Variants in ZNF236 observed in about 807,000 individuals in gnomAD.
ZNF236 encodes the protein zinc finger protein 236, also known as regulated by glucose.
Under a neutral mutation model 191.2 loss-of-function variants are expected in ZNF236, and 50 were observed. The observed-to-expected ratio is 0.26, with a 90% CI of 0.21 to 0.33. The LOEUF (loss-of-function observed/expected upper bound fraction) is 0.33. ZNF236 is among the 10% of genes least tolerant of loss of function. The pLI is 1.00. For synonymous variants in ZNF236, 907 were observed against 928.8 expected (o/e 0.98, Z 0.43); for missense variants, 1,754 against 2,374.5 (o/e 0.74, Z 5.43).
chr18:76,873,765 G>A (rs1363269337), intron 5 of ZNF236, among the ~76,000 whole-genome samples: 2 of 152,148 alleles, frequency 1.3e-5, no homozygotes, highest in Non-Finnish European at 2.9e-5. Flanking sequence ...TCGTGACTGG[G>A]CCACACTCTC....
chr18:76,910,063 C>T lies in ZNF236; in HGVS notation c.2552-5C>T. 1 of 1,605,982 alleles carries T rather than the reference C, an allele frequency of 6.2e-7. No homozygotes were observed. The highest frequency in any genetic ancestry group is 8.5e-7 in the Non-Finnish European group (1 of 1,173,746). ...GCGTCCCCCTTTTTTACATCTCATCCTCAGATGGGTTTGTGGCTCCACAGG... is the reference window on the plus strand; with the variant it reads ...GCGTCCCCCTTTTTTACATCTCATCTTCAGATGGGTTTGTGGCTCCACAGG... On this transcript the variant is annotated splice_region_variant and splice_polypyrimidine_tract_variant and intron_variant, in intron 14 of 30. Transcript: ENST00000320610.
Position 76,972,821 on chromosome 18 carries a change from G to A in ZNF236, c.*4482G>A, listed in dbSNP as rs1968927516. On this transcript the variant is annotated 3_prime_UTR_variant, in exon 31 of 31. Coordinates refer to ENST00000320610, the MANE Select transcript of ZNF236 (RefSeq NM_001306089.2). ...GATGATATTTATTTAATCCAGTTTT[G>A]TATTAGAAATGGATAGTGATGCCAA... Among the ~76,000 whole-genome samples, 1 of 152,012 alleles carries A rather than the reference G, an allele frequency of 6.6e-6. No individual in the cohort carries two copies. Among genetic ancestry groups the A allele is most frequent in the Non-Finnish European group, 1.5e-5 (1 of 68,000 alleles).
chr18:76,868,379 C>T (rs1329597147), intron 3 of ZNF236, among the ~76,000 whole-genome samples: 1 of 152,204 alleles, frequency 6.6e-6, no homozygotes, highest in Non-Finnish European at 1.5e-5. Context: ...TAGGCGGACC[C>T]AGTGCCATTA....
intron 1 of ZNF236, among the ~76,000 whole-genome samples, chr18:76,842,264 C>G (rs1203694226): frequency 6.7e-6 from 1 of 149,436 alleles, no homozygotes; most frequent in Non-Finnish European, 1.5e-5. Flanking sequence ...ACGTTATCAC[C>G]ATTCAACCTT....
Position 76,912,274 on chromosome 18 carries a change from G to C in ZNF236, c.2836G>C (p.Glu946Gln), listed in dbSNP as rs1241698360. 1.2e-6 allele frequency: 2 copies of C among 1,614,188 alleles called. No homozygotes were observed. The highest frequency in any genetic ancestry group is 4.5e-5 in the East Asian group (2 of 44,880). Residue 946 changes from glutamate to glutamine, a missense_variant, in exon 17 of 31, where the codon GAG (glutamate) becomes CAG (glutamine). Transcript: ENST00000320610. ...TCGCTTGATTCAGGAGTCATCCCAAGAGGAACTGGACCTGCAGGCACAAGG... is the reference window on the plus strand; with the variant it reads ...TCGCTTGATTCAGGAGTCATCCCAACAGGAACTGGACCTGCAGGCACAAGG... ...TTRLIQESSQ[E>Q]ELDLQAQGSQ...
rs996039309 is a variant in ZNF236 at position 76,927,958 on chromosome 18, G to A, written c.4446G>A (p.Ser1482=). Residue 1482 remains serine (S), a synonymous_variant, in exon 25 of 31, where the codon TCG becomes TCA. Coordinates refer to ENST00000320610, the MANE Select transcript of ZNF236 (RefSeq NM_001306089.2). The surrounding 1 kb of genome is among the most constrained non-coding windows in gnomAD (Gnocchi z 5.4). ...AAGACCTCACTCAAGTGATGACTTC[G>A]CAAGGTCTAGTGTCCCCCTCCGGCG... ...GTQDLTQVMT[S]QGLVSPSGGP... The A allele has an allele frequency of 3.7e-6, 6 of 1,608,750 alleles. No homozygotes were observed. The highest frequency in any genetic ancestry group is 1.3e-5 in the African/African-American group (1 of 74,608).
Position 76,880,382 on chromosome 18 carries a change from A to G in ZNF236, c.1188+66A>G, listed in dbSNP as rs1458371312. The stretch of plus-strand genomic sequence containing the variant: ...TGCTGGGTCAGAAACCAGGGATGAT[A>G]ATTGAGAATAAATCTGCAGGGCTTG... On this transcript the variant is annotated intron_variant, in intron 8 of 30. Coordinates refer to ENST00000320610, the MANE Select transcript of ZNF236 (RefSeq NM_001306089.2). This position sits in a 1 kb window ranked among gnomAD's most constrained non-coding sequence, Gnocchi z 5.0. 2.0e-6 allele frequency: 3 copies of G among 1,467,608 alleles called. No homozygotes were observed. Among genetic ancestry groups the G allele is most frequent in the Non-Finnish European group, 2.7e-6 (3 of 1,091,134 alleles). The allele number at this position is 1,467,608 out of a possible 1,614,324, so 90.9% of individuals were successfully genotyped here.
At chr18:76,920,679 G>A (rs1309937275) in intron 20 of ZNF236, among the ~76,000 whole-genome samples, 18 of 152,208 alleles carry the variant, frequency 1.2e-4, no homozygotes, top group Admixed American at 1.1e-3. Context: ...TTGTGGACAG[G>A]CAGAAGAGCA....
At chr18:76,853,992 A>G (rs1276666098) in intron 3 of ZNF236, among the ~76,000 whole-genome samples, 1 of 151,902 alleles carries the variant, frequency 6.6e-6, no homozygotes, top group Non-Finnish European at 1.5e-5. Flanking sequence ...CCTGGGCAAC[A>G]GAGCAAGACT....
rs369982486 is a variant in ZNF236 at position 76,881,456 on chromosome 18, A to C, written c.1361A>C (p.Glu454Ala). 183 of 1,613,854 alleles carry C rather than the reference A, an allele frequency of 1.1e-4. No individual in the cohort carries two copies. Among genetic ancestry groups the C allele is most frequent in the Non-Finnish European group, 1.5e-4 (180 of 1,180,012 alleles). Residue 454 changes from glutamate to alanine, a missense_variant, in exon 9 of 31, where the codon GAG becomes GCG. Transcript: ENST00000320610. ...AEQEKEQESP[E>A]KLDKKEKKMI... Reference sequence around the variant, plus strand: ...CAAGAAAAAGAACAGGAAAGCCCGGAGAAACTGGATAAAAAAGAAAAAAAA... The same window carrying C: ...CAAGAAAAAGAACAGGAAAGCCCGGCGAAACTGGATAAAAAAGAAAAAAAA...
intron 11 of ZNF236, among the ~76,000 whole-genome samples, chr18:76,901,542 A>G (rs1179949600): frequency 6.6e-6 from 1 of 152,152 alleles, no homozygotes; most frequent in Non-Finnish European, 1.5e-5. Flanking sequence ...GCGATCACTC[A>G]AGGTCAGGAG....
intron 6 of ZNF236, among the ~76,000 whole-genome samples, chr18:76,876,031 A>G (rs978622080): frequency 1.3e-5 from 2 of 152,056 alleles, no homozygotes; most frequent in Admixed American, 1.3e-4. Context: ...TAAAATTGGG[A>G]AAAAAAAGTG....
chr18:76,947,350 G>A (rs1221567313), intron 26 of ZNF236, among the ~76,000 whole-genome samples, 171 bp from the exon 27 acceptor site: 9 of 152,134 alleles, frequency 5.9e-5, no homozygotes, highest in South Asian at 2.1e-4. Context: ...TCTGTACAAG[G>A]CTTCTGTTTT....
chr18:76,919,891 G>T lies in ZNF236; in HGVS notation c.3390G>T (p.Pro1130=), dbSNP rs201060329. 25 of 1,614,096 alleles carry T rather than the reference G, an allele frequency of 1.5e-5. No homozygotes were observed. Among genetic ancestry groups the T allele is most frequent in the African/African-American group, 5.3e-5 (4 of 74,930 alleles). The change falls in exon 20 of 31, where the codon CCG becomes CCT. Residue 1130 remains proline, a synonymous_variant. Transcript: ENST00000320610. The surrounding 1 kb of genome is among the most constrained non-coding windows in gnomAD (Gnocchi z 5.3). ...EETAQLAKIR[P]QESATVSEKV... ...CAGCCCAGTTAGCCAAGATCCGGCC[G>T]CAGGAGAGCGCCACGGTGTCAGAGA...
At chr18:76,849,358 T>C in intron 1 of ZNF236, 168 bp from the exon 2 acceptor site, 1 of 527,654 alleles carries the variant, frequency 1.9e-6, no homozygotes. Context: ...CATTTCTAAC[T>C]TTAAAACATG....
intron 1 of ZNF236, among the ~76,000 whole-genome samples, chr18:76,823,286 G>C (rs923398209): frequency 6.6e-6 from 1 of 151,578 alleles, no homozygotes; most frequent in Non-Finnish European, 1.5e-5. Context: ...GCGCGCTGTG[G>C]GGCGTGCATA....
intron 26 of ZNF236, among the ~76,000 whole-genome samples, chr18:76,938,307 G>A (rs1210028294): frequency 6.6e-6 from 1 of 152,106 alleles, no homozygotes; most frequent in African/African-American, 2.4e-5. Context: ...GGAGGATTGG[G>A]TGAGCCTGGG....
At chr18:76,916,103 T>A (rs1967356689) in intron 19 of ZNF236, among the ~76,000 whole-genome samples, 1 of 152,232 alleles carries the variant, frequency 6.6e-6, no homozygotes, top group African/African-American at 2.4e-5. Context: ...TGGCATTCAC[T>A]CTCACACTGT....
intron 25 of ZNF236, among the ~76,000 whole-genome samples, chr18:76,935,448 G>T (rs945336467): frequency 6.6e-6 from 1 of 152,140 alleles, no homozygotes; most frequent in African/African-American, 2.4e-5. Flanking sequence ...GCACAGTCCC[G>T]GAACCTCTGA....
Sources: gnomAD v4.1 joint callset for allele counts (sites outside exome capture counted in the v4.1 genomes callset) on GRCh38, gnomAD v4.1.1 for gene constraint, Gnocchi (gnomAD v3.1) non-coding constraint, MANE v1.5 for transcripts, NCBI Gene and HGNC (gene_info 2026-07-23, HGNC 2026-07-21) for gene names.